APBB1IP: variants seen among roughly 807,000 people sequenced by gnomAD.
The protein encoded by APBB1IP is amyloid beta A4 precursor protein-binding family B member 1-interacting protein.
APBB1IP carries 27 observed loss-of-function variants against 64.9 expected under a neutral mutation model. The ratio of observed to expected loss-of-function variants is 0.42; its 90% CI spans 0.31 to 0.57. APBB1IP has a LOEUF of 0.57. APBB1IP is among the 20% of genes least tolerant of loss of function. The pLI is 0.20. For missense variants in APBB1IP, 812 were observed against 845.5 expected (o/e 0.96, Z 0.49); for synonymous variants, 392 against 331.0 (o/e 1.18, Z -2.00).
chr10:26,562,176 T>C (rs980070038), intron 13 of APBB1IP, 150 bp from the exon 14 acceptor site: 51 of 622,126 alleles, frequency 8.2e-5, no homozygotes, highest in Non-Finnish European at 1.3e-4. Flanking sequence ...TCTCTTTGCT[T>C]TGTTTTTATT....
At chr10:26,455,762 A>G (rs1386191816) in intron 2 of APBB1IP, among the ~76,000 whole-genome samples, 1 of 152,086 alleles carries the variant, frequency 6.6e-6, no homozygotes, top group Non-Finnish European at 1.5e-5. Context: ...AAAGTTAAAT[A>G]CTTACAGAGT....
chr10:26,567,109 C>A lies in APBB1IP; in HGVS notation c.1622C>A (p.Thr541Lys). 1 of 1,436,842 alleles carries A rather than the reference C, an allele frequency of 7.0e-7. No individual in the cohort carries two copies. The highest frequency in any genetic ancestry group is 1.4e-5 in the South Asian group (1 of 71,282). 89.0% of individuals were successfully genotyped at this position (1,436,842 alleles called of 1,614,324 possible). A position where few individuals can be genotyped will look rare whatever the true frequency, so the allele number is the denominator to read the frequency against. Residue 541 changes from threonine (T) to lysine (K), a missense_variant, in exon 15 of 15, where the codon ACA becomes AAA. Physicochemically the swap from Thr to Lys is moderately conservative, Grantham distance 78. Around this residue, in one of 3 missense-constraint regions of APBB1IP, gnomAD observed 381 missense variants for 352.1 expected, o/e 1.08. Transcript: ENST00000376236. ...SPATPLKAKG[T>K]GGGGLPAPPD... is the part of the protein sequence containing the mutation. ...GCCACGCCCCTCAAGGCCAAGGGCA[C>A]AGGCGGCGGGGGCTTGCCCGCCCCA...
At chr10:26,508,465 T>A (rs1284093008) in intron 6 of APBB1IP, among the ~76,000 whole-genome samples, 1 of 151,898 alleles carries the variant, frequency 6.6e-6, no homozygotes, top group East Asian at 1.9e-4. Flanking sequence ...GTGTTTAGCA[T>A]CTTGCAAAAA....
At chr10:26,558,303 G>A (rs1440615380) in intron 11 of APBB1IP, among the ~76,000 whole-genome samples, 9 of 152,070 alleles carry the variant, frequency 5.9e-5, no homozygotes, top group South Asian at 2.1e-4. Flanking sequence ...GCCTGATGAC[G>A]GTGATTTCTA....
At chr10:26,507,005 A>C (rs1278376916) in intron 6 of APBB1IP, among the ~76,000 whole-genome samples, 2 of 152,182 alleles carry the variant, frequency 1.3e-5, no homozygotes, top group Non-Finnish European at 2.9e-5. Context: ...CAGAGGGAAC[A>C]GAGAGAGAAA....
chr10:26,474,486 T>G (rs116445830), intron 2 of APBB1IP, among the ~76,000 whole-genome samples: 68 of 152,354 alleles, frequency 4.5e-4, no homozygotes, highest in African/African-American at 1.6e-3. Flanking sequence ...ATCTTCCAGT[T>G]GATGTTGAAT....
chr10:26,555,340 C>T (rs1588618221), intron 11 of APBB1IP, among the ~76,000 whole-genome samples: 1 of 152,310 alleles, frequency 6.6e-6, no homozygotes, highest in East Asian at 1.9e-4. Context: ...AGCTTAATTT[C>T]TGCTTCTTCA....
intron 2 of APBB1IP, among the ~76,000 whole-genome samples, chr10:26,475,697 C>T (rs539596808): frequency 1.3e-5 from 2 of 152,268 alleles, no homozygotes; most frequent in Non-Finnish European, 2.9e-5. Flanking sequence ...ATATTATCTA[C>T]CCCCACATGG....
At chr10:26,546,534 C>A (rs552560415) in intron 11 of APBB1IP, among the ~76,000 whole-genome samples, 1 of 152,074 alleles carries the variant, frequency 6.6e-6, no homozygotes, top group Non-Finnish European at 1.5e-5. Context: ...TTAGCACAAA[C>A]GTTTATCATA....
At chr10:26,503,371 C>T in intron 6 of APBB1IP, 97 bp downstream of exon 6, 1 of 1,197,474 alleles carries the variant, frequency 8.4e-7, no homozygotes, top group Non-Finnish European at 1.2e-6. Context: ...CGCGGTGGCT[C>T]ACACCTGTAA....
chr10:26,497,721 ATTTTTT>A (rs895511347), intron 4 of APBB1IP, among the ~76,000 whole-genome samples: 4 of 100,354 alleles, frequency 4.0e-5, no homozygotes, highest in South Asian at 4.2e-4. Context: ...TGTCCTCTGG[ATTTTTT>A]TTTTTTTTTT....
intron 8 of APBB1IP, among the ~76,000 whole-genome samples, chr10:26,525,749 A>C (rs1430673774): frequency 6.6e-6 from 1 of 152,252 alleles, no homozygotes; most frequent in Non-Finnish European, 1.5e-5. Flanking sequence ...TAAGTAACAC[A>C]GGAGCTTTCA....
At chr10:26,546,748 A>T (rs1024794516) in intron 11 of APBB1IP, among the ~76,000 whole-genome samples, 3 of 152,124 alleles carry the variant, frequency 2.0e-5, no homozygotes, top group Admixed American at 2.0e-4. Context: ...TAGATTCCAC[A>T]TATGAGTGGA....
At chr10:26,483,092 TAAAAAAAAAA>T (rs35069320) in intron 2 of APBB1IP, among the ~76,000 whole-genome samples, 2 of 67,184 alleles carry the variant, frequency 3.0e-5, no homozygotes, top group East Asian at 5.4e-4. Flanking sequence ...CTCCATCTGA[TAAAAAAAAAA>T]AAAAAAAAAA....
intron 13 of APBB1IP, among the ~76,000 whole-genome samples, chr10:26,561,149 A>G (rs1450459604): frequency 7.4e-6 from 1 of 135,836 alleles, no homozygotes; most frequent in African/African-American, 2.9e-5. Flanking sequence ...GCTCACTGCA[A>G]GCTCCGCCTC....
intron 2 of APBB1IP, among the ~76,000 whole-genome samples, chr10:26,442,397 C>A (rs1284100338): frequency 6.6e-6 from 1 of 152,144 alleles, no homozygotes; most frequent in Non-Finnish European, 1.5e-5. Context: ...AATCAACAAG[C>A]AAGCAGTGAG....
At chr10:26,552,150 A>G (rs1333064632) in intron 11 of APBB1IP, among the ~76,000 whole-genome samples, 1 of 152,092 alleles carries the variant, frequency 6.6e-6, no homozygotes, top group Non-Finnish European at 1.5e-5. Flanking sequence ...AAACTTTTTA[A>G]ATCAGCAGGG....
chr10:26,442,314 G>C (rs1265708650), intron 2 of APBB1IP, among the ~76,000 whole-genome samples: 2 of 152,164 alleles, frequency 1.3e-5, no homozygotes, highest in Non-Finnish European at 2.9e-5. Flanking sequence ...AATCTGCTTT[G>C]TTAGCAATCG....
intron 8 of APBB1IP, among the ~76,000 whole-genome samples, chr10:26,524,401 G>T (rs1039191095): frequency 1.2e-4 from 18 of 150,532 alleles, no homozygotes; most frequent in Admixed American, 2.6e-4. Context: ...TCAGATTGAT[G>T]ATGAAAAAAA....
Sources: allele counts gnomAD v4.1 joint callset (sites outside exome capture counted in the v4.1 genomes callset), GRCh38; gene constraint gnomAD v4.1.1; regional missense constraint gnomAD v4.1.1; transcripts MANE v1.5; gene names NCBI Gene and HGNC (gene_info 2026-07-23, HGNC 2026-07-21).